Variants in ISCU observed in about 807,000 individuals in gnomAD.
ISCU encodes the protein iron-sulfur cluster assembly enzyme ISCU.
ISCU carries 13 observed loss-of-function variants against 18.4 expected under a neutral mutation model. The ratio of observed to expected loss-of-function variants is 0.71; its 90% CI spans 0.46 to 1.12. ISCU has a LOEUF of 1.12. ISCU is among the 50% of genes most tolerant of loss of function. The pLI, the probability that ISCU is intolerant of heterozygous loss-of-function variation, is 0.00. For missense variants in ISCU, 229 were observed against 208.7 expected (o/e 1.10, Z -0.60); for synonymous variants, 104 against 87.5 (o/e 1.19, Z -1.06).
chr12:108,565,420 A>G lies in ISCU; in HGVS notation c.328A>G (p.Lys110Glu), dbSNP rs1565875446. ...CAGCTCATTAGCCACTGAATGGGTG[A>G]AAGGAAAGACGGTAAGGTGGCTCAC... ...ASSSLATEWV[K>E]GKTVEEALTI... Residue 110 changes from lysine to glutamate, a missense_variant, in exon 3 of 5, where the codon AAA (lysine) becomes GAA (glutamate). Physicochemically the swap from Lys to Glu is moderately conservative, Grantham distance 56. Transcript: ENST00000311893. 2 of 1,610,160 alleles carry G rather than the reference A, an allele frequency of 1.2e-6. No homozygotes were observed. The highest frequency in any genetic ancestry group is 1.1e-5 in the South Asian group (1 of 90,980).
At chr12:108,562,902 C>T in intron 1 of ISCU, 166 bp downstream of exon 1, 1 of 413,126 alleles carries the variant, frequency 2.4e-6, no homozygotes, top group Non-Finnish European at 4.2e-6. Flanking sequence ...AACTGATAAA[C>T]AACAGTTACC....
At chr12:108,562,586 G>C (rs867206869), upstream of ISCU, 3 of 1,224,152 alleles carry the variant, frequency 2.5e-6, no homozygotes, top group Non-Finnish European at 3.2e-6. Flanking sequence ...CCGCCCCTCG[G>C]CGTCGCTCTG....
upstream of ISCU, among the ~76,000 whole-genome samples, chr12:108,562,266 C>A (rs550937705): frequency 1.3e-5 from 2 of 152,318 alleles, no homozygotes; most frequent in Admixed American, 6.5e-5. Context: ...TCCTTAGCTG[C>A]AAAATAGGGT....
At chr12:108,561,726 C>T (rs998638049), upstream of ISCU, among the ~76,000 whole-genome samples, 1 of 152,198 alleles carries the variant, frequency 6.6e-6, no homozygotes, top group Admixed American at 6.5e-5. Context: ...TATAAGATCA[C>T]ATACTGCAAA....
chr12:108,564,526 A>G, intron 2 of ISCU, 134 bp downstream of exon 2: 1 of 718,636 alleles, frequency 1.4e-6, no homozygotes, highest in Non-Finnish European at 2.5e-6. Context: ...TTCCTGTGAG[A>G]TGGGATGAGT....
Position 108,568,955 on chromosome 12 carries a change from T to G in ISCU, c.*39T>G, listed in dbSNP as rs767267734. ...GAAGCCTCCAGCAGGCCACACCAGC[T>G]GTTTCCCACCTGCTGTGCAGTCACC... On this transcript the variant is annotated 3_prime_UTR_variant, in exon 5 of 5. Coordinates refer to ENST00000311893, the MANE Select transcript of ISCU (RefSeq NM_213595.4). 3 of 1,555,774 alleles carry G rather than the reference T, an allele frequency of 1.9e-6. No individual in the cohort carries two copies. The highest frequency in any genetic ancestry group is 2.6e-6 in the Non-Finnish European group (3 of 1,136,602).
chr12:108,565,478 CTTTTT>C (rs1348576212), intron 3 of ISCU, 47 bp downstream of exon 3: 2 of 1,270,204 alleles, frequency 1.6e-6, no homozygotes, highest in African/African-American at 2.9e-5. Context: ...GTAACCATGA[CTTTTT>C]TTTAATATTC....
intron 3 of ISCU, among the ~76,000 whole-genome samples, 183 bp from the exon 4 acceptor site, chr12:108,567,007 T>G (rs140319592): frequency 5.9e-5 from 9 of 152,302 alleles, no homozygotes; most frequent in African/African-American, 2.2e-4. Flanking sequence ...ACTTCATGCT[T>G]GAGAATCCCA....
chr12:108,568,854 G>T lies in ISCU; in HGVS notation c.442G>T (p.Ala148Ser), dbSNP rs941426062. 33 of 1,613,450 alleles carry T rather than the reference G, an allele frequency of 2.0e-5. No homozygotes were observed. Among genetic ancestry groups the T allele is most frequent in the Non-Finnish European group, 6.8e-6 (8 of 1,179,812 alleles). The change falls in exon 5 of 5, where the codon GCC becomes TCC. Residue 148 changes from alanine (A) to serine (S), a missense_variant. Coordinates refer to ENST00000311893, the MANE Select transcript of ISCU (RefSeq NM_213595.4). ...AGTGCTGGCTGAAGATGCAATCAAG[G>T]CCGCCCTGGCTGATTACAAATTGAA... The part of the protein sequence containing the change: ...CSMLAEDAIK[A>S]ALADYKLKQE...
chr12:108,562,679 G>A lies in ISCU; in HGVS notation c.57G>A (p.Arg19=), dbSNP rs534297688. 1.4e-6 allele frequency: 2 copies of A among 1,456,232 alleles called. No individual in the cohort carries two copies. The highest frequency in any genetic ancestry group is 1.9e-4 in the Middle Eastern group (1 of 5,368). 90.2% of individuals were successfully genotyped at this position (1,456,232 alleles called of 1,614,324 possible). The change falls in exon 1 of 5, where the codon CGG becomes CGA. Residue 19 remains arginine (R), a synonymous_variant. Transcript: ENST00000311893. The part of the protein sequence containing the change: ...LRRAASALLL[R]SPRLPARELS... ...GGGCGGCATCGGCTCTGCTGCTGCG[G>A]AGCCCCCGCCTGCCCGCCCGGGAGC...
intron 1 of ISCU, chr12:108,563,363 T>C (rs2030723629): frequency 6.5e-6 from 1 of 153,422 alleles, no homozygotes; most frequent in Non-Finnish European, 1.5e-5. Flanking sequence ...AGCCCCTTGC[T>C]GTCTGGTGGC....
chr12:108,567,526 A>G lies in ISCU; in HGVS notation c.418+258A>G, dbSNP rs1592794018. ...GGCGTAATTTCTAAACCTCACAAAT[A>G]TCCTTGAGTGCACAGTAGATGTCAT... On this transcript the variant is annotated intron_variant, in intron 4 of 4. Transcript: ENST00000311893. The G allele has an allele frequency of 7.5e-6, 6 of 795,972 alleles. No individual in the cohort carries two copies. In the East Asian group the frequency reaches 1.6e-4, roughly 21 times the overall value. The allele number at this position is 795,972 out of a possible 1,614,324, so 49.3% of individuals were successfully genotyped here. A position where few individuals can be genotyped will look rare whatever the true frequency, so the allele number is the denominator to read the frequency against.
chr12:108,564,584 T>G (rs2030801849), intron 2 of ISCU, among the ~76,000 whole-genome samples, 192 bp downstream of exon 2: 1 of 152,258 alleles, frequency 6.6e-6, no homozygotes, highest in African/African-American at 2.4e-5. Flanking sequence ...GCTCTCCTGC[T>G]AGGCTAGTGT....
At chr12:108,567,808 C>T in intron 4 of ISCU, 3 of 1,526,574 alleles carry the variant, frequency 2.0e-6, no homozygotes, top group East Asian at 2.5e-5. Context: ...CAATGTCCCC[C>T]TCCCTGCTAT....
Position 108,568,996 on chromosome 12 carries a change from C to G in ISCU, c.*80C>G. ...TGCAGTCACCTTAGATGTTCAGAAG[C>G]CGCTTCCTCTCCACTGAAGAGCTAT... On this transcript the variant is annotated 3_prime_UTR_variant, in exon 5 of 5. Transcript: ENST00000311893. 5.0e-6 allele frequency: 6 copies of G among 1,197,398 alleles called. No individual in the cohort carries two copies. The highest frequency in any genetic ancestry group is 7.3e-6 in the Non-Finnish European group (6 of 822,970). The allele number at this position is 1,197,398 out of a possible 1,614,324, so 74.2% of individuals were successfully genotyped here.
chr12:108,562,708 C>G lies in ISCU; in HGVS notation c.86C>G (p.Ser29Trp), dbSNP rs1215764545. The change falls in exon 1 of 5, where the codon TCG (serine) becomes TGG (tryptophan). Residue 29 changes from serine (S) to tryptophan (W), a missense_variant. By Grantham distance (177) the Ser-to-Trp change is radical. Coordinates refer to ENST00000311893, the MANE Select transcript of ISCU (RefSeq NM_213595.4). ...CCCCGCCTGCCCGCCCGGGAGCTGT[C>G]GGCCCCGGCCCGACTCTATCACAAG... ...RSPRLPAREL[S>W]APARLYHKKV... is the part of the protein sequence containing the mutation. 1.3e-6 allele frequency: 2 copies of G among 1,487,192 alleles called. No individual in the cohort carries two copies. The highest frequency in any genetic ancestry group is 1.8e-6 in the Non-Finnish European group (2 of 1,128,770). The allele number at this position is 1,487,192 out of a possible 1,614,324, so 92.1% of individuals were successfully genotyped here. A position where few individuals can be genotyped will look rare whatever the true frequency, so the allele number is the denominator to read the frequency against.
chr12:108,568,963 A>C lies in ISCU; in HGVS notation c.*47A>C, dbSNP rs1592795881. 2.0e-6 allele frequency: 3 copies of C among 1,514,546 alleles called. No individual in the cohort carries two copies. Among genetic ancestry groups the C allele is most frequent in the Non-Finnish European group, 2.7e-6 (3 of 1,102,080 alleles). The allele number at this position is 1,514,546 out of a possible 1,614,324, so 93.8% of individuals were successfully genotyped here. On this transcript the variant is annotated 3_prime_UTR_variant, in exon 5 of 5. Transcript: ENST00000311893. Reference sequence around the variant, plus strand: ...CAGCAGGCCACACCAGCTGTTTCCCACCTGCTGTGCAGTCACCTTAGATGT... The same window carrying C: ...CAGCAGGCCACACCAGCTGTTTCCCCCCTGCTGTGCAGTCACCTTAGATGT...
rs998542173 is a variant in ISCU, at chr12:108,568,121, A to C, written c.419-710A>C. ...TCTTTCCACTTGATCTGGAATTTTAAGTACCCATAAAGAAAGGTCATCACT... is the reference window on the plus strand; with the variant it reads ...TCTTTCCACTTGATCTGGAATTTTACGTACCCATAAAGAAAGGTCATCACT... On this transcript the variant is annotated intron_variant, in intron 4 of 4. Coordinates refer to ENST00000311893, the MANE Select transcript of ISCU (RefSeq NM_213595.4). 2.9e-6 allele frequency: 4 copies of C among 1,373,170 alleles called. No individual in the cohort carries two copies. The African/African-American group carries it at 5.9e-5, about 20-fold the overall frequency. 85.1% of individuals were successfully genotyped at this position (1,373,170 alleles called of 1,614,324 possible). A position where few individuals can be genotyped will look rare whatever the true frequency, so the allele number is the denominator to read the frequency against.
chr12:108,568,482 G>C (rs1200513310), intron 4 of ISCU: 1 of 1,180,878 alleles, frequency 8.5e-7, no homozygotes, highest in Non-Finnish European at 1.1e-6. Flanking sequence ...AACATTTCCT[G>C]TGTCCCTACT....
Sources: allele counts gnomAD v4.1 joint callset (sites outside exome capture counted in the v4.1 genomes callset), GRCh38; gene constraint gnomAD v4.1.1; transcripts MANE v1.5; gene names NCBI Gene and HGNC (gene_info 2026-07-23, HGNC 2026-07-21).